TNFSF4: variants seen among roughly 807,000 people sequenced by gnomAD.
TNFSF4 encodes TNF superfamily member 4.
TNFSF4 carries 4 observed loss-of-function variants against 7.3 expected under a neutral mutation model. That is an observed-to-expected ratio of 0.55 (90% confidence interval 0.27 to 1.25). TNFSF4 has a LOEUF of 1.25. Ranked by LOEUF, TNFSF4 falls within the 50% of genes most tolerant of loss-of-function variation. TNFSF4 has a pLI of 0.12. For synonymous variants in TNFSF4, 76 were observed against 83.7 expected, an observed-to-expected ratio of 0.91 and a Z score of 0.50; for missense variants, 181 against 208.8, an observed-to-expected ratio of 0.87 and a Z score of 0.82.
chr1:173,179,447 T>A (rs903184497), downstream of TNFSF4, among the ~76,000 whole-genome samples: 2 of 152,200 alleles, frequency 1.3e-5, no homozygotes, highest in Non-Finnish European at 2.9e-5. Flanking sequence ...ACTTCTAGCT[T>A]GGCTAACTTG....
chr1:173,229,811 CG>C, the TNFSF4 span, among the ~76,000 whole-genome samples: 2 of 151,800 alleles, frequency 1.3e-5, no homozygotes, highest in African/African-American at 4.9e-5. Context: ...GACTTTAAAC[CG>C]ACAAAGATCA....
chr1:173,439,985 A>C, the TNFSF4 span, among the ~76,000 whole-genome samples: 2 of 152,214 alleles, frequency 1.3e-5, no homozygotes, highest in African/African-American at 4.8e-5. Flanking sequence ...TGAACCCTGG[A>C]GTGTCTGGCT....
the TNFSF4 span, among the ~76,000 whole-genome samples, chr1:173,234,545 C>T: frequency 6.6e-6 from 1 of 152,090 alleles, no homozygotes; most frequent in Non-Finnish European, 1.5e-5. Flanking sequence ...GGAACCAACC[C>T]AAATGTCCAT....
At chr1:173,448,672 T>G in the TNFSF4 span, among the ~76,000 whole-genome samples, 1 of 152,158 alleles carries the variant, frequency 6.6e-6, no homozygotes. Context: ...GGAAAAGGAC[T>G]TTCACAAGGT....
At chr1:173,328,113 A>C in the TNFSF4 span, among the ~76,000 whole-genome samples, 3 of 152,232 alleles carry the variant, frequency 2.0e-5, no homozygotes, top group African/African-American at 7.2e-5. Flanking sequence ...CCAAATGTCC[A>C]ACAATGATAG....
chr1:173,197,413 TA>T (rs1225286941), intron 1 of TNFSF4, among the ~76,000 whole-genome samples: 17 of 152,094 alleles, frequency 1.1e-4, no homozygotes, highest in African/African-American at 4.1e-4. Flanking sequence ...CTATTCACAA[TA>T]ACAAAGACAT....
At chr1:173,323,526 G>A in the TNFSF4 span, among the ~76,000 whole-genome samples, 4 of 152,218 alleles carry the variant, frequency 2.6e-5, no homozygotes, top group East Asian at 1.9e-4. Flanking sequence ...TGACTTTGAC[G>A]AGTTGAGAGG....
the TNFSF4 span, among the ~76,000 whole-genome samples, chr1:173,399,870 T>C: frequency 6.6e-6 from 1 of 152,158 alleles, no homozygotes; most frequent in Non-Finnish European, 1.5e-5. Flanking sequence ...CCACTGAGTG[T>C]CCAATATGCC....
the TNFSF4 span, among the ~76,000 whole-genome samples, chr1:173,300,129 AGATAGATAGAT>A: frequency 7.7e-6 from 1 of 130,050 alleles, no homozygotes; most frequent in East Asian, 2.4e-4. Context: ...ATAGATAGAT[AGATAGATAGAT>A]AATAAATAGA....
the TNFSF4 span, among the ~76,000 whole-genome samples, chr1:173,410,387 G>C: frequency 6.6e-6 from 1 of 152,120 alleles, no homozygotes; most frequent in African/African-American, 2.4e-5. Context: ...GGTTCAACAA[G>C]AATTCAAGGA....
the TNFSF4 span, among the ~76,000 whole-genome samples, chr1:173,294,628 C>CA: frequency 6.6e-6 from 1 of 151,694 alleles, no homozygotes. Flanking sequence ...ACAAACCCCC[C>CA]AAAAAATAAA....
At chr1:173,267,847 A>G in the TNFSF4 span, among the ~76,000 whole-genome samples, 1 of 151,908 alleles carries the variant, frequency 6.6e-6, no homozygotes, top group South Asian at 2.1e-4. Flanking sequence ...AAAGGAGAGC[A>G]GAGGAGAGGA....
the TNFSF4 span, among the ~76,000 whole-genome samples, chr1:173,227,435 G>T: frequency 6.6e-6 from 1 of 152,074 alleles, no homozygotes; most frequent in Non-Finnish European, 1.5e-5. Flanking sequence ...AATTATCACG[G>T]TAGGGGCGGT....
chr1:173,223,340 T>G, the TNFSF4 span, among the ~76,000 whole-genome samples: 1 of 152,196 alleles, frequency 6.6e-6, no homozygotes, highest in Non-Finnish European at 1.5e-5. Flanking sequence ...CTGGTAGCAA[T>G]GAACATTTCC....
At chr1:173,320,542 C>G in the TNFSF4 span, among the ~76,000 whole-genome samples, 1 of 152,196 alleles carries the variant, frequency 6.6e-6, no homozygotes, top group Non-Finnish European at 1.5e-5. Flanking sequence ...CAAATTGTCT[C>G]TGTTTGCAGA....
chr1:173,247,390 T>C, the TNFSF4 span, among the ~76,000 whole-genome samples: 3 of 152,298 alleles, frequency 2.0e-5, no homozygotes, highest in Admixed American at 6.5e-5. Flanking sequence ...AGAGAAAAGA[T>C]ACATCTGAGC....
At chr1:173,355,030 T>C in the TNFSF4 span, among the ~76,000 whole-genome samples, 355 of 152,326 alleles carry the variant, frequency 2.3e-3, 1 homozygote, top group African/African-American at 7.9e-3. Context: ...GGAGCTGTAT[T>C]CCTGCTGGAG....
the TNFSF4 span, among the ~76,000 whole-genome samples, chr1:173,225,159 G>A: frequency 6.6e-6 from 1 of 152,138 alleles, no homozygotes; most frequent in Non-Finnish European, 1.5e-5. Flanking sequence ...AAAGAGGTTG[G>A]TTAAATACTA....
At chr1:173,449,879 A>T in the TNFSF4 span, among the ~76,000 whole-genome samples, 1 of 152,234 alleles carries the variant, frequency 6.6e-6, no homozygotes, top group African/African-American at 2.4e-5. Context: ...ACAAAACTAG[A>T]AAAAGAACAG....
Sources: allele counts gnomAD v4.1 joint callset (sites outside exome capture counted in the v4.1 genomes callset), GRCh38; gene constraint gnomAD v4.1.1; transcripts MANE v1.5; gene names NCBI Gene and HGNC (gene_info 2026-07-23, HGNC 2026-07-21).